Variants in PTPRT observed in about 807,000 individuals in gnomAD.
PTPRT encodes the protein receptor-type tyrosine-protein phosphatase T.
Under a neutral mutation model 176.8 loss-of-function variants are expected in PTPRT, and 56 were observed. The ratio of observed to expected loss-of-function variants is 0.32; its 90% CI spans 0.26 to 0.40. The LOEUF (loss-of-function observed/expected upper bound fraction) is 0.40, where lower values mean the gene tolerates loss of function less well. Among genes scored for constraint, PTPRT ranks in the 10% least tolerant of loss-of-function variants. PTPRT has a pLI of 1.00. For synonymous variants in PTPRT, 783 were observed against 739.0 expected (o/e 1.06, Z -0.96); for missense variants, 1,540 against 1,908.2 (o/e 0.81, Z 3.60).
chr20:42,738,580 C>T lies in PTPRT; in HGVS notation c.859+17882G>A, dbSNP rs541606093. 4.6e-5 allele frequency among the ~76,000 whole-genome samples: 7 copies of T among 152,190 alleles called. 1 individual carries two copies. Among genetic ancestry groups the T allele is most frequent in the African/African-American group, 1.7e-4 (7 of 41,518 alleles). On this transcript the variant is annotated intron_variant, in intron 6 of 30. Transcript: ENST00000373187. The stretch of plus-strand genomic sequence containing the variant: ...ACTTATGAGCTCATTTTTCTTCTCC[C>T]CTCCATTAGAATATCTGCTTCAAAA...
intron 1 of PTPRT, among the ~76,000 whole-genome samples, chr20:43,025,088 T>C (rs934949056): frequency 1.3e-5 from 2 of 152,234 alleles, no homozygotes; most frequent in South Asian, 2.1e-4. Flanking sequence ...AGAAGCTTTG[T>C]TGGTGTCTGT....
At position 42,897,509 on chromosome 20, in the gene PTPRT, G is replaced by A. The variant is rs565972168; in HGVS notation, c.89-11577C>T. On this transcript the variant is annotated intron_variant, in intron 1 of 30. Coordinates refer to ENST00000373187, the MANE Select transcript of PTPRT (RefSeq NM_007050.6). ...ACAGTACAGTGGGAAAAGCCCAGGG[G>A]TAACAGAAACGGCGGTGCCCTAGAA... Among the ~76,000 whole-genome samples the A allele has an allele frequency of 4.6e-4, 70 of 152,256 alleles. 1 individual carries two copies. The South Asian group carries it at 0.014, about 31-fold the overall frequency.
intron 1 of PTPRT, among the ~76,000 whole-genome samples, chr20:43,138,716 G>T (rs559592542): frequency 5.3e-5 from 8 of 152,128 alleles, no homozygotes; most frequent in African/African-American, 1.2e-4. Context: ...TCTAAGTGGA[G>T]CCTCCCTCTT....
At chr20:42,250,638 G>A (rs547090411) in intron 13 of PTPRT, among the ~76,000 whole-genome samples, 58 of 152,304 alleles carry the variant, frequency 3.8e-4, no homozygotes, top group Non-Finnish European at 5.9e-5. Context: ...TCTAATGCCA[G>A]TGTCTAGCAC....
intron 9 of PTPRT, among the ~76,000 whole-genome samples, chr20:42,399,189 G>A (rs751223712): frequency 1.3e-5 from 2 of 152,206 alleles, no homozygotes; most frequent in Non-Finnish European, 2.9e-5. Flanking sequence ...CTTAGGCTCC[G>A]CCTCTTGCTG....
chr20:42,154,312 C>T (rs938008546), intron 17 of PTPRT, among the ~76,000 whole-genome samples: 1 of 152,142 alleles, frequency 6.6e-6, no homozygotes, highest in Non-Finnish European at 1.5e-5. Context: ...GCTCAGGGGG[C>T]TCTGAGCAGA....
rs2015358390 is a variant in PTPRT at position 43,185,097 on chromosome 20, T to C, written c.88+4549A>G. On this transcript the variant is annotated intron_variant, in intron 1 of 30. Transcript: ENST00000373187. ...TCCTCTCCATACTAATCTGAATCCA[T>C]TCTGTAAGATTTCATGAGACACGCT... Among the ~76,000 whole-genome samples, 7 of 152,304 alleles carry C rather than the reference T, an allele frequency of 4.6e-5. No individual in the cohort carries two copies. In the South Asian group the frequency reaches 1.5e-3, roughly 32 times the overall value.
intron 2 of PTPRT, among the ~76,000 whole-genome samples, chr20:42,865,310 C>T (rs1469558335): frequency 6.6e-6 from 1 of 152,200 alleles, no homozygotes; most frequent in Non-Finnish European, 1.5e-5. Context: ...ACAGCAGACC[C>T]GGATCTCCTG....
chr20:42,806,423 G>C (rs2077608918), intron 2 of PTPRT, among the ~76,000 whole-genome samples: 1 of 149,798 alleles, frequency 6.7e-6, no homozygotes, highest in African/African-American at 2.5e-5. Context: ...GGCGGAGGTT[G>C]CAGTGAGCCA....
chr20:43,157,527 G>C (rs2014559239), intron 1 of PTPRT, among the ~76,000 whole-genome samples: 1 of 152,194 alleles, frequency 6.6e-6, no homozygotes, highest in Non-Finnish European at 1.5e-5. Flanking sequence ...TGGTGGGAGG[G>C]AGTGGGCACT....
At chr20:42,277,492 C>T (rs1028860671) in intron 13 of PTPRT, among the ~76,000 whole-genome samples, 1 of 152,212 alleles carries the variant, frequency 6.6e-6, no homozygotes, top group Admixed American at 6.5e-5. Flanking sequence ...AAGCATGCAC[C>T]TTCCTGACCC....
chr20:42,298,078 A>G (rs147667110), intron 12 of PTPRT, among the ~76,000 whole-genome samples: 10 of 152,332 alleles, frequency 6.6e-5, no homozygotes, highest in African/African-American at 2.2e-4. Flanking sequence ...CAGATAAATC[A>G]CAAACTGGAA....
At chr20:43,144,670 G>A (rs1600745556) in intron 1 of PTPRT, among the ~76,000 whole-genome samples, 2 of 152,172 alleles carry the variant, frequency 1.3e-5, no homozygotes. Flanking sequence ...TGGAGGTAGG[G>A]TGATACAGGG....
intron 13 of PTPRT, among the ~76,000 whole-genome samples, chr20:42,258,970 G>A (rs6030095): frequency 0.015 from 2,215 of 152,318 alleles, 57 homozygotes; most frequent in African/African-American, 0.051. Flanking sequence ...TAAGAAGTTA[G>A]AATTGACTTC....
At chr20:42,257,755 G>C (rs924463549) in intron 13 of PTPRT, among the ~76,000 whole-genome samples, 3 of 150,808 alleles carry the variant, frequency 2.0e-5, no homozygotes, top group African/African-American at 7.3e-5. Flanking sequence ...CTCCCCAGAA[G>C]CAGAAGCTGC....
At chr20:42,785,525 G>C (rs2077276560) in intron 3 of PTPRT, among the ~76,000 whole-genome samples, 1 of 152,176 alleles carries the variant, frequency 6.6e-6, no homozygotes, top group South Asian at 2.1e-4. Flanking sequence ...GTGCAAGTAT[G>C]TTTTGAATCT....
chr20:42,817,115 G>T (rs182190491), intron 2 of PTPRT, among the ~76,000 whole-genome samples: 11 of 152,310 alleles, frequency 7.2e-5, no homozygotes, highest in Admixed American at 2.0e-4. Context: ...ACAGAAGCTA[G>T]AAAGTGATTT....
intron 4 of PTPRT, among the ~76,000 whole-genome samples, chr20:42,772,835 G>A (rs1454488402): frequency 6.6e-6 from 1 of 152,166 alleles, no homozygotes; most frequent in East Asian, 1.9e-4. Flanking sequence ...ACAATGCCAG[G>A]TACTATGATA....
chr20:42,512,469 C>T (rs1405340379), intron 7 of PTPRT, among the ~76,000 whole-genome samples: 1 of 152,094 alleles, frequency 6.6e-6, no homozygotes, highest in African/African-American at 2.4e-5. Flanking sequence ...ATAGCTTGTC[C>T]CATTTTAATT....
Sources: allele counts gnomAD v4.1 joint callset (sites outside exome capture counted in the v4.1 genomes callset), GRCh38; gene constraint gnomAD v4.1.1; transcripts MANE v1.5; gene names NCBI Gene and HGNC (gene_info 2026-07-23, HGNC 2026-07-21).